Variants in DNAH9 observed in about 807,000 individuals in gnomAD.
DNAH9 encodes dynein axonemal heavy chain 9.
DNAH9 carries 345 observed loss-of-function variants against 471.6 expected under a neutral mutation model. The observed-to-expected ratio is 0.73, with a 90% CI of 0.67 to 0.80. The LOEUF is 0.80. DNAH9 is among the 30% of genes least tolerant of loss of function. DNAH9 has a pLI of 0.00. For synonymous variants in DNAH9, 2,093 were observed against 2,123.6 expected, an observed-to-expected ratio of 0.99 and a Z score of 0.40; for missense variants, 5,407 against 5,609.2, an observed-to-expected ratio of 0.96 and a Z score of 1.15.
Position 11,932,237 on chromosome 17 carries a change from G to C in DNAH9, c.12297+32G>C. The stretch of plus-strand genomic sequence containing the variant: ...GCCATGGACATTCAGGGACCAGCCA[G>C]GTTGGGAGAGGGTTAAAATTATTTA... On this transcript the variant is annotated intron_variant, in intron 64 of 68. Transcript: ENST00000262442. The surrounding 1 kb of genome is among the most constrained non-coding windows in gnomAD (Gnocchi z 4.3). 6.2e-7 allele frequency: 1 copy of C among 1,600,626 alleles called. No homozygotes were observed. The highest frequency in any genetic ancestry group is 8.5e-7 in the Non-Finnish European group (1 of 1,171,532).
In DNAH9 at chr17:11,892,138, C is replaced by G. The variant is rs1318722222; in HGVS notation, c.11283+191C>G. ...TGCCCCCACCATTTCCCACTTATGG[C>G]AGACATACTTAATCCATCATTGTAC... is the stretch of plus-strand genomic sequence containing the variant. On this transcript the variant is annotated intron_variant, in intron 58 of 68. Coordinates refer to ENST00000262442, the MANE Select transcript of DNAH9 (RefSeq NM_001372.4). This position sits in a 1 kb window ranked among gnomAD's most constrained non-coding sequence, Gnocchi z 4.3. Among the ~76,000 whole-genome samples, 1 of 152,202 alleles carries G rather than the reference C, an allele frequency of 6.6e-6. No individual in the cohort carries two copies. The highest frequency in any genetic ancestry group is 1.5e-5 in the Non-Finnish European group (1 of 68,038).
intron 1 of DNAH9, among the ~76,000 whole-genome samples, chr17:11,602,364 C>T (rs1038799682): frequency 6.6e-6 from 1 of 152,150 alleles, no homozygotes; most frequent in African/African-American, 2.4e-5. Context: ...TAAAATCCTC[C>T]TCACCCATCT....
At chr17:11,966,936 A>G (rs748468331) in intron 68 of DNAH9, among the ~76,000 whole-genome samples, 17 of 150,370 alleles carry the variant, frequency 1.1e-4, no homozygotes, top group Admixed American at 2.0e-4. Flanking sequence ...TGGGGAGGCT[A>G]AGGCAGGAGA....
At chr17:11,918,580 A>G (rs1358834460) in intron 61 of DNAH9, among the ~76,000 whole-genome samples, 3 of 152,194 alleles carry the variant, frequency 2.0e-5, no homozygotes, top group Admixed American at 6.5e-5. Context: ...AGGCAAGTAC[A>G]GTCTTTAGAG....
intron 45 of DNAH9, among the ~76,000 whole-genome samples, chr17:11,814,968 A>AAC (rs3070115): frequency 0.54 from 81,456 of 151,298 alleles, 22,193 homozygotes; most frequent in Non-Finnish European, 0.58. Flanking sequence ...AAGAAAAAAA[A>AAC]AACAATAAAG....
chr17:11,763,762 C>G lies in DNAH9; in HGVS notation c.7170+148C>G, dbSNP rs953464891. 13 of 767,694 alleles carry G rather than the reference C, an allele frequency of 1.7e-5. No homozygotes were observed. In the African/African-American group the frequency reaches 2.1e-4, roughly 12 times the overall value. The allele number at this position is 767,694 out of a possible 1,614,324, so 47.6% of individuals were successfully genotyped here. A position where few individuals can be genotyped will look rare whatever the true frequency, so the allele number is the denominator to read the frequency against. On this transcript the variant is annotated intron_variant, in intron 36 of 68. Transcript: ENST00000262442. ...ATTTAGTCATCTACCTATTACTCTG[C>G]TAAAGACATCAGTTGTCCTAGCCAG...
intron 50 of DNAH9, among the ~76,000 whole-genome samples, chr17:11,868,820 C>T (rs775053123): frequency 1.1e-4 from 16 of 152,146 alleles, no homozygotes; most frequent in African/African-American, 3.1e-4. Flanking sequence ...CCTGACACCT[C>T]GTAGCGTTCA....
At chr17:11,685,856 G>A (rs538576743) in intron 19 of DNAH9, among the ~76,000 whole-genome samples, 1 of 147,940 alleles carries the variant, frequency 6.8e-6, no homozygotes, top group Non-Finnish European at 1.5e-5. Context: ...CCAGGCTGGA[G>A]TGCAGTGACA....
At chr17:11,645,879 C>CT (rs760279719) in intron 11 of DNAH9, among the ~76,000 whole-genome samples, 1,829 of 70,610 alleles carry the variant, frequency 0.026, 26 homozygotes, top group East Asian at 0.058. Context: ...TTTTCTTTTT[C>CT]TTTTTTTTTT....
At chr17:11,759,201 G>A (rs1967540320) in intron 35 of DNAH9, among the ~76,000 whole-genome samples, 1 of 151,392 alleles carries the variant, frequency 6.6e-6, no homozygotes, top group Non-Finnish European at 1.5e-5. Flanking sequence ...GGTGAAGTCT[G>A]GCCCTTTAGT....
At chr17:11,874,481 C>T (rs1972398955) in intron 52 of DNAH9, among the ~76,000 whole-genome samples, 1 of 152,120 alleles carries the variant, frequency 6.6e-6, no homozygotes, top group Non-Finnish European at 1.5e-5. Context: ...CTCTTGCAAG[C>T]TGGTGAAACA....
At chr17:11,743,189 C>T (rs1263440213) in intron 30 of DNAH9, among the ~76,000 whole-genome samples, 3 of 152,162 alleles carry the variant, frequency 2.0e-5, no homozygotes, top group African/African-American at 7.2e-5. Flanking sequence ...ATGCTGACCC[C>T]TCATTCACTC....
Position 11,747,693 on chromosome 17 carries a change from C to T in DNAH9, c.6537C>T (p.Asp2179=). ...QIMKRRPVWT[D]LNPKAVTNDE... ...TGAAACGGCGCCCCGTCTGGACTGA[C>T]CTCAATCCCAAAGCAGTCACAAATG... Residue 2179 remains aspartate, a synonymous_variant, in exon 32 of 69, where the codon GAC becomes GAT. Transcript: ENST00000262442. 1 of 1,614,148 alleles carries T rather than the reference C, an allele frequency of 6.2e-7. No individual in the cohort carries two copies. Among genetic ancestry groups the T allele is most frequent in the Non-Finnish European group, 8.5e-7 (1 of 1,180,036 alleles).
chr17:11,816,530 C>T (rs1970102830), intron 45 of DNAH9, among the ~76,000 whole-genome samples: 1 of 152,234 alleles, frequency 6.6e-6, no homozygotes, highest in African/African-American at 2.4e-5. Flanking sequence ...AGCCACCACA[C>T]TCACTTGCGT....
intron 50 of DNAH9, among the ~76,000 whole-genome samples, chr17:11,859,084 CAA>C (rs56040033): frequency 3.1e-5 from 2 of 64,372 alleles, no homozygotes; most frequent in Non-Finnish European, 5.6e-5. Context: ...AACCCCGTCT[CAA>C]AAAAAAAAAA....
intron 29 of DNAH9, among the ~76,000 whole-genome samples, 176 bp from the exon 30 acceptor site, chr17:11,741,999 C>T (rs2075439503): frequency 6.6e-6 from 1 of 152,192 alleles, no homozygotes; most frequent in Admixed American, 6.5e-5. Context: ...CTAACTGCAG[C>T]AGCACATAGA....
chr17:11,607,209 C>T (rs1036723635), intron 1 of DNAH9, among the ~76,000 whole-genome samples: 3 of 152,084 alleles, frequency 2.0e-5, no homozygotes, highest in South Asian at 2.1e-4. Flanking sequence ...CTATTCACCC[C>T]GTTGATGAGG....
chr17:11,756,709 A>C (rs1967408134), intron 34 of DNAH9, 33 bp downstream of exon 34: 2 of 1,370,616 alleles, frequency 1.5e-6, no homozygotes, highest in African/African-American at 1.4e-5. Context: ...CCACAAAGCT[A>C]CTCCACTTAG....
chr17:11,740,864 C>T (rs1054295586), intron 29 of DNAH9, among the ~76,000 whole-genome samples: 3 of 152,128 alleles, frequency 2.0e-5, no homozygotes, highest in African/African-American at 4.8e-5. Context: ...CATCCAGGAA[C>T]AATCAGTGTA....
Sources: allele counts gnomAD v4.1 joint callset (sites outside exome capture counted in the v4.1 genomes callset), GRCh38; gene constraint gnomAD v4.1.1; non-coding constraint Gnocchi (gnomAD v3.1); transcripts MANE v1.5; gene names NCBI Gene and HGNC (gene_info 2026-07-23, HGNC 2026-07-21).